TMBIM4: variants seen among roughly 807,000 people sequenced by gnomAD.
TMBIM4 encodes the protein transmembrane BAX inhibitor motif containing 4.
In TMBIM4, 28 loss-of-function variants were observed where a neutral mutation model predicts 27.7. The observed-to-expected ratio is 1.01, with a 90% CI of 0.75 to 1.38. TMBIM4 has a LOEUF of 1.38. TMBIM4 is among the 40% of genes most tolerant of loss of function. TMBIM4 has a pLI of 0.00. For missense variants in TMBIM4, 265 were observed against 277.5 expected (o/e 0.95, Z 0.32); for synonymous variants, 115 against 113.1 (o/e 1.02, Z -0.11).
At position 66,169,749 on chromosome 12, in the gene TMBIM4, T is replaced by C. The variant is rs1038944170; in HGVS notation, c.97+106A>G. 285 of 864,482 alleles carry C rather than the reference T, an allele frequency of 3.3e-4. 1 individual carries two copies. The highest frequency in any genetic ancestry group is 6.8e-4 in the Admixed American group (18 of 26,612). 53.6% of individuals were successfully genotyped at this position (864,482 alleles called of 1,614,324 possible). On this transcript the variant is annotated intron_variant, in intron 1 of 6. Coordinates refer to ENST00000358230, the MANE Select transcript of TMBIM4 (RefSeq NM_016056.4). ...CCGGGAGCTCAGTGAGCACTCCCTGTGAGTCCCAGGAGATGGCCGCTCTCC... is the reference window on the plus strand; with the variant it reads ...CCGGGAGCTCAGTGAGCACTCCCTGCGAGTCCCAGGAGATGGCCGCTCTCC...
chr12:66,168,477 A>C (rs2052172384), intron 1 of TMBIM4, among the ~76,000 whole-genome samples: 1 of 152,072 alleles, frequency 6.6e-6, no homozygotes, highest in African/African-American at 2.4e-5. Flanking sequence ...GTTTAGTCTA[A>C]AGCTATGCCT....
chr12:66,153,524 A>C, intron 1 of TMBIM4, 76 bp from the exon 2 acceptor site: 1 of 903,242 alleles, frequency 1.1e-6, no homozygotes. Flanking sequence ...TTTCCTCTTT[A>C]AAAAATTGTT....
At chr12:66,149,509 A>T (rs2051810167) in intron 3 of TMBIM4, among the ~76,000 whole-genome samples, 1 of 151,730 alleles carries the variant, frequency 6.6e-6, no homozygotes, top group Non-Finnish European at 1.5e-5. Flanking sequence ...ACATGATTAT[A>T]CTATATTCTT....
Position 66,166,001 on chromosome 12 carries a change from G to A in TMBIM4, c.97+3854C>T, listed in dbSNP as rs573634035. ...CAAGAAATCCATTGCCAAATCCAAT[G>A]TCCTCCTATGTTTTTATCTAAGAGT... is the stretch of plus-strand genomic sequence containing the variant. On this transcript the variant is annotated intron_variant, in intron 1 of 6. Transcript: ENST00000358230. 1.4e-4 allele frequency among the ~76,000 whole-genome samples: 21 copies of A among 152,216 alleles called. No individual in the cohort carries two copies. In the East Asian group the frequency reaches 3.7e-3, roughly 27 times the overall value.
At chr12:66,141,280 G>C (rs1465912782) in intron 5 of TMBIM4, among the ~76,000 whole-genome samples, 1 of 151,942 alleles carries the variant, frequency 6.6e-6, no homozygotes, top group East Asian at 1.9e-4. Context: ...ATGTATTATG[G>C]AGTTTATAAC....
chr12:66,169,566 C>T, intron 1 of TMBIM4: 1 of 466,362 alleles, frequency 2.1e-6, no homozygotes, highest in East Asian at 3.5e-5. Flanking sequence ...CCATCTGTCC[C>T]TTCCTACACC....
At chr12:66,155,540 C>T (rs901152931) in intron 1 of TMBIM4, among the ~76,000 whole-genome samples, 2 of 152,104 alleles carry the variant, frequency 1.3e-5, no homozygotes, top group South Asian at 2.1e-4. Flanking sequence ...ACCACATTCC[C>T]GGGCTGGTCT....
intron 1 of TMBIM4, among the ~76,000 whole-genome samples, chr12:66,159,958 C>A (rs1468627115): frequency 6.6e-6 from 1 of 152,248 alleles, no homozygotes; most frequent in African/African-American, 2.4e-5. Context: ...GAAATTAACA[C>A]ATGATTACAT....
At chr12:66,146,994 T>C (rs1331213625) in intron 4 of TMBIM4, among the ~76,000 whole-genome samples, 2 of 152,174 alleles carry the variant, frequency 1.3e-5, no homozygotes, top group Admixed American at 1.3e-4. Flanking sequence ...ATCTCTCTCC[T>C]ACATTCTTTA....
In TMBIM4 at chr12:66,169,836, T is replaced by G. The variant is rs1182197273; in HGVS notation, c.97+19A>C. ...GTGCAGACAAGCGGCTGGGAGGCAC[T>G]GGAGAGGGGACAACGTACCCATTCG... On this transcript the variant is annotated intron_variant, in intron 1 of 6. Coordinates refer to ENST00000358230, the MANE Select transcript of TMBIM4 (RefSeq NM_016056.4). The G allele has an allele frequency of 2.0e-6, 3 of 1,505,128 alleles. No homozygotes were observed. In the Admixed American group the frequency reaches 7.0e-5, roughly 35 times the overall value. 93.2% of individuals were successfully genotyped at this position (1,505,128 alleles called of 1,614,324 possible).
chr12:66,151,819 TCA>T, intron 3 of TMBIM4, among the ~76,000 whole-genome samples: 1 of 152,118 alleles, frequency 6.6e-6, no homozygotes. Context: ...CTTTAAAAGA[TCA>T]GAGTGATAAG....
At position 66,155,808 on chromosome 12, in the gene TMBIM4, T is replaced by C. The variant is rs561756990; in HGVS notation, c.98-2360A>G. On this transcript the variant is annotated intron_variant, in intron 1 of 6. Transcript: ENST00000358230. ...TTAAGATCTAATGTTTATTTGTATA[T>C]ATGTACACAAGTGCATATGTAATAA... is the stretch of plus-strand genomic sequence containing the variant. 5.9e-5 allele frequency among the ~76,000 whole-genome samples: 9 copies of C among 152,352 alleles called. 1 individual carries two copies. In the East Asian group the frequency reaches 1.7e-3, roughly 29 times the overall value.
chr12:66,165,706 T>C (rs2052115049), intron 1 of TMBIM4, among the ~76,000 whole-genome samples: 1 of 152,240 alleles, frequency 6.6e-6, no homozygotes, highest in Non-Finnish European at 1.5e-5. Context: ...ATTAGATATA[T>C]CTTTTGCAAA....
intron 5 of TMBIM4, among the ~76,000 whole-genome samples, chr12:66,142,893 G>A (rs553588061): frequency 4.6e-5 from 7 of 152,202 alleles, no homozygotes; most frequent in African/African-American, 7.2e-5. Flanking sequence ...TCCTACATTT[G>A]AGCCTGATCA....
In TMBIM4 at chr12:66,147,956, CTTAAA is replaced by C. The variant is rs2051779171; in HGVS notation, c.313-20_313-16del. The C allele has an allele frequency of 1.2e-6, 2 of 1,608,546 alleles. No homozygotes were observed. The highest frequency in any genetic ancestry group is 1.7e-6 in the Non-Finnish European group (2 of 1,176,894). The stretch of plus-strand genomic sequence containing the variant: ...TCCAACAGCGTCTAATGAAAAGAAA[CTTAAA>C]TTAGTGACTGTAAAATTTATACTAT... On this transcript the variant is annotated splice_polypyrimidine_tract_variant and intron_variant, in intron 3 of 6. Transcript: ENST00000358230.
intron 1 of TMBIM4, chr12:66,169,410 T>C (rs1011739484): frequency 1.8e-6 from 1 of 546,034 alleles, no homozygotes; most frequent in Admixed American, 3.7e-5. Context: ...GGACGGTAAA[T>C]ATAAGCCTGT....
chr12:66,155,237 A>T (rs2051911544), intron 1 of TMBIM4, among the ~76,000 whole-genome samples: 1 of 152,106 alleles, frequency 6.6e-6, no homozygotes, highest in Non-Finnish European at 1.5e-5. Flanking sequence ...TTTACACTAC[A>T]GCCTCCATGT....
intron 1 of TMBIM4, among the ~76,000 whole-genome samples, chr12:66,164,113 C>T (rs1169645721): frequency 1.3e-5 from 2 of 152,078 alleles, no homozygotes; most frequent in African/African-American, 4.8e-5. Flanking sequence ...AAGCTTTTGA[C>T]AAAATTCCAC....
intron 1 of TMBIM4, among the ~76,000 whole-genome samples, chr12:66,165,104 T>C (rs953299715): frequency 2.0e-5 from 3 of 152,144 alleles, no homozygotes; most frequent in South Asian, 2.1e-4. Context: ...TCATTATACA[T>C]TGGAAAACCG....
Sources: allele counts gnomAD v4.1 joint callset (sites outside exome capture counted in the v4.1 genomes callset), GRCh38; gene constraint gnomAD v4.1.1; transcripts MANE v1.5; gene names NCBI Gene and HGNC (gene_info 2026-07-23, HGNC 2026-07-21).